Variants in TTLL11 observed in about 807,000 individuals in gnomAD.
TTLL11 encodes tubulin tyrosine ligase like 11.
TTLL11 carries 42 observed loss-of-function variants against 51.7 expected under a neutral mutation model. The ratio of observed to expected loss-of-function variants is 0.81; its 90% confidence interval spans 0.64 to 1.05. TTLL11 has a LOEUF of 1.05. TTLL11 is among the 50% of genes least tolerant of loss of function. TTLL11 has a pLI of 0.00. For missense variants in TTLL11, 799 were observed against 940.4 expected (o/e 0.85, Z 1.97); for synonymous variants, 381 against 383.5 (o/e 0.99, Z 0.08).
chr9:122,086,203 G>A (rs1024683483), intron 1 of TTLL11, among the ~76,000 whole-genome samples: 1 of 152,178 alleles, frequency 6.6e-6, no homozygotes, highest in Non-Finnish European at 1.5e-5. Context: ...GCTTGAATGT[G>A]AGCCCCTTGA....
intron 6 of TTLL11, among the ~76,000 whole-genome samples, chr9:121,915,824 C>A (rs1159284871): frequency 6.6e-6 from 1 of 151,974 alleles, no homozygotes; most frequent in African/African-American, 2.4e-5. Flanking sequence ...GTCTGGACAT[C>A]TGGAAATTAC....
intron 6 of TTLL11, among the ~76,000 whole-genome samples, chr9:121,944,562 G>A (rs1296470673): frequency 6.6e-6 from 1 of 151,388 alleles, no homozygotes; most frequent in Admixed American, 6.6e-5. Flanking sequence ...CAGTAATGGT[G>A]TTTTGTTTAA....
chr9:121,919,054 TGACAA>T (rs768379003), intron 6 of TTLL11, among the ~76,000 whole-genome samples: 32 of 152,356 alleles, frequency 2.1e-4, no homozygotes, highest in Admixed American at 3.3e-4. Flanking sequence ...GTTCATTCTA[TGACAA>T]CACACTGAGC....
intron 6 of TTLL11, among the ~76,000 whole-genome samples, chr9:121,874,686 TG>T: frequency 6.6e-6 from 1 of 152,282 alleles, no homozygotes; most frequent in Non-Finnish European, 1.5e-5. Context: ...TAGTGTCACA[TG>T]GTCTGTCATT....
chr9:122,025,021 C>T (rs1412170021), intron 3 of TTLL11, among the ~76,000 whole-genome samples: 2 of 151,678 alleles, frequency 1.3e-5, no homozygotes, highest in East Asian at 3.9e-4. Context: ...ACTATGTAGA[C>T]ACAAATATTA....
chr9:122,051,716 C>G (rs1211684082), intron 1 of TTLL11, among the ~76,000 whole-genome samples: 1 of 152,150 alleles, frequency 6.6e-6, no homozygotes, highest in Non-Finnish European at 1.5e-5. Flanking sequence ...TCCAGACTTC[C>G]AGACAGTCCC....
At chr9:121,834,468 G>A (rs1346930767) in intron 8 of TTLL11, among the ~76,000 whole-genome samples, 2 of 135,252 alleles carry the variant, frequency 1.5e-5, no homozygotes, top group Non-Finnish European at 3.1e-5. Flanking sequence ...GATAGTAATA[G>A]CTGCCCTGAG....
chr9:121,962,726 C>G (rs755168068), intron 6 of TTLL11, among the ~76,000 whole-genome samples: 8 of 152,214 alleles, frequency 5.3e-5, no homozygotes, highest in Non-Finnish European at 8.8e-5. Context: ...CATGTGAGAT[C>G]CTGCTTTAAG....
intron 8 of TTLL11, among the ~76,000 whole-genome samples, chr9:121,829,814 C>CA (rs58561465): frequency 3.5e-4 from 49 of 141,924 alleles, no homozygotes; most frequent in African/African-American, 1.2e-3. Context: ...CACACACACA[C>CA]CACACACACA....
At chr9:122,037,273 C>T (rs2131820412) in intron 2 of TTLL11, among the ~76,000 whole-genome samples, 1 of 152,312 alleles carries the variant, frequency 6.6e-6, no homozygotes, top group South Asian at 2.1e-4. Flanking sequence ...CACAAAGCAT[C>T]CTTTTCTGAG....
At chr9:121,900,040 T>G (rs539124078) in intron 6 of TTLL11, among the ~76,000 whole-genome samples, 11 of 152,334 alleles carry the variant, frequency 7.2e-5, no homozygotes, top group Middle Eastern at 3.4e-3. Flanking sequence ...AAAGTACTTA[T>G]GCCTAGTAAG....
chr9:121,844,304 AC>A (rs1837450012), intron 8 of TTLL11, among the ~76,000 whole-genome samples: 1 of 151,202 alleles, frequency 6.6e-6, no homozygotes, highest in African/African-American at 2.5e-5. Flanking sequence ...AGAAAAAAAA[AC>A]AAAACAAAAA....
At chr9:121,898,277 C>T (rs1183671386) in intron 6 of TTLL11, among the ~76,000 whole-genome samples, 4 of 152,162 alleles carry the variant, frequency 2.6e-5, no homozygotes, top group Non-Finnish European at 2.9e-5. Context: ...AAAGCTGGGA[C>T]GCTAGAAAGG....
At chr9:121,913,424 G>A (rs930192535) in intron 6 of TTLL11, among the ~76,000 whole-genome samples, 1 of 152,204 alleles carries the variant, frequency 6.6e-6, no homozygotes, top group Non-Finnish European at 1.5e-5. Flanking sequence ...CACTCTGTCA[G>A]TGTGAAAATT....
chr9:122,035,190 T>C lies in TTLL11; in HGVS notation c.560-3334A>G, dbSNP rs184540579. On this transcript the variant is annotated intron_variant, in intron 2 of 8. Coordinates refer to ENST00000321582, the MANE Select transcript of TTLL11 (RefSeq NM_001139442.2). ...CACCCTGCAAGGGCTGGAATCCTCC[T>C]GTCTGTGACTTTCACCCAGTGTCTG... is the stretch of plus-strand genomic sequence containing the variant. Among the ~76,000 whole-genome samples, 222 of 152,338 alleles carry C rather than the reference T, an allele frequency of 1.5e-3. 2 individuals carry two copies. The South Asian group carries it at 0.027, about 19-fold the overall frequency.
intron 4 of TTLL11, among the ~76,000 whole-genome samples, chr9:121,975,662 A>C (rs1339938248): frequency 1.3e-5 from 2 of 152,204 alleles, no homozygotes; most frequent in African/African-American, 4.8e-5. Flanking sequence ...CAGTGAGCCA[A>C]GATGGTGCCA....
chr9:122,068,781 A>C (rs1845658916), intron 1 of TTLL11, among the ~76,000 whole-genome samples: 1 of 152,210 alleles, frequency 6.6e-6, no homozygotes, highest in Non-Finnish European at 1.5e-5. Context: ...TACATTCCCC[A>C]GTCTCCCTGG....
At chr9:121,892,851 C>T (rs570975420) in intron 6 of TTLL11, among the ~76,000 whole-genome samples, 2 of 152,202 alleles carry the variant, frequency 1.3e-5, no homozygotes, top group South Asian at 2.1e-4. Flanking sequence ...GGAAGGAGGC[C>T]GCTGTGGGAG....
At chr9:122,005,068 T>C (rs973097214) in intron 3 of TTLL11, among the ~76,000 whole-genome samples, 1 of 152,192 alleles carries the variant, frequency 6.6e-6, no homozygotes, top group Non-Finnish European at 1.5e-5. Flanking sequence ...GAAAGGAGGA[T>C]GAGACACAGG....
Sources: gnomAD v4.1 joint callset for allele counts (sites outside exome capture counted in the v4.1 genomes callset) on GRCh38, gnomAD v4.1.1 for gene constraint, MANE v1.5 for transcripts, NCBI Gene and HGNC (gene_info 2026-07-23, HGNC 2026-07-21) for gene names.